Variants in MYRIP observed in about 807,000 individuals in gnomAD.
MYRIP encodes rab effector MyRIP.
In MYRIP, 49 loss-of-function variants were observed where a neutral mutation model predicts 98.0. That is an observed-to-expected ratio of 0.50 (90% CI 0.40 to 0.63). The LOEUF (loss-of-function observed/expected upper bound fraction) is 0.63, where lower values mean the gene tolerates loss of function less well. Ranked by LOEUF, MYRIP falls within the 30% of genes least tolerant of loss-of-function variation. The probability of loss-of-function intolerance (pLI) is 0.00; values close to 1 mark genes in which losing one functional copy is unlikely to be tolerated. For missense variants in MYRIP, 1,004 were observed against 1,058.2 expected (o/e 0.95, Z 0.71); for synonymous variants, 404 against 409.5 (o/e 0.99, Z 0.16).
At position 39,862,145 on chromosome 3, in the gene MYRIP, C is replaced by T. The variant is rs558086518; in HGVS notation, c.-30-38642C>T. On this transcript the variant is annotated intron_variant, in intron 1 of 16. Transcript: ENST00000302541. ...CCCATCAGGCTAACAGTGGACATTT[C>T]AGCAGAAACTCTTAAGCCAGAAGAG... 2.0e-5 allele frequency among the ~76,000 whole-genome samples: 3 copies of T among 152,318 alleles called. No homozygotes were observed. In the South Asian group the frequency reaches 6.2e-4, roughly 32 times the overall value.
intron 1 of MYRIP, among the ~76,000 whole-genome samples, chr3:39,830,881 ATCT>A (rs1441326803): frequency 6.6e-6 from 1 of 152,176 alleles, no homozygotes; most frequent in Non-Finnish European, 1.5e-5. Flanking sequence ...TATGCAAATA[ATCT>A]TCTCCCATTC....
intron 3 of MYRIP, among the ~76,000 whole-genome samples, chr3:40,143,404 T>TG (rs1949949314): frequency 2.6e-5 from 4 of 152,176 alleles, no homozygotes; most frequent in Admixed American, 2.0e-4. Context: ...CCCGGGGTGC[T>TG]GGGGTCCTCA....
At chr3:39,853,201 G>T (rs1220949977) in intron 1 of MYRIP, among the ~76,000 whole-genome samples, 1 of 152,146 alleles carries the variant, frequency 6.6e-6, no homozygotes, top group East Asian at 1.9e-4. Context: ...ATTCCAAATT[G>T]TGCTGCTATA....
In MYRIP at chr3:40,032,820, A is replaced by G. The variant is rs534692473; in HGVS notation, c.111-11230A>G. Among the ~76,000 whole-genome samples the G allele has an allele frequency of 3.9e-4, 59 of 152,316 alleles. 1 individual carries two copies. Among genetic ancestry groups the G allele is most frequent in the Admixed American group, 1.2e-3 (18 of 15,292 alleles). On this transcript the variant is annotated intron_variant, in intron 2 of 16. Coordinates refer to ENST00000302541, the MANE Select transcript of MYRIP (RefSeq NM_015460.4). ...ATGAAAATTGATGCAAAAATCCTCA[A>G]TAAAATACTGGCAAACTGAATCCAG...
rs1359368320 is a variant in MYRIP, at chr3:40,037,552, C to T, written c.111-6498C>T. Among the ~76,000 whole-genome samples, 4 of 152,012 alleles carry T rather than the reference C, an allele frequency of 2.6e-5. No individual in the cohort carries two copies. The East Asian group carries it at 5.8e-4, about 22-fold the overall frequency. ...GGAAATTCCCTGTGAGCCACTAAAT[C>T]TTTCAGGATACATATCCCCCTATAA... On this transcript the variant is annotated intron_variant, in intron 2 of 16. Coordinates refer to ENST00000302541, the MANE Select transcript of MYRIP (RefSeq NM_015460.4).
chr3:39,960,006 C>G (rs1367451434), intron 2 of MYRIP, among the ~76,000 whole-genome samples: 2 of 152,046 alleles, frequency 1.3e-5, no homozygotes, highest in Non-Finnish European at 2.9e-5. Flanking sequence ...AAAGAAGGAA[C>G]TGGCATCAGC....
In MYRIP at chr3:40,007,658, C is replaced by T. The variant is rs973990705; in HGVS notation, c.111-36392C>T. ...CAGTGGGTTCTCCAGAGAAACAAAA[C>T]CACTAGGATGTGTGTATGTGTGTGC... On this transcript the variant is annotated intron_variant, in intron 2 of 16. Coordinates refer to ENST00000302541, the MANE Select transcript of MYRIP (RefSeq NM_015460.4). 5.3e-5 allele frequency among the ~76,000 whole-genome samples: 8 copies of T among 152,280 alleles called. No homozygotes were observed. The East Asian group carries it at 1.5e-3, about 29-fold the overall frequency.
rs1032998293 is a variant in MYRIP, at chr3:40,162,789, A to G, written c.529A>G (p.Thr177Ala). ...NEGSISGSDS[T>A]FYRQSEGHSV... ...AGGAAGCATTTCTGGCAGTGATTCAACATTTTATAGGCAGTCAGAAGGTAA... is the reference window on the plus strand; with the variant it reads ...AGGAAGCATTTCTGGCAGTGATTCAGCATTTTATAGGCAGTCAGAAGGTAA... The change falls in exon 5 of 17, where the codon ACA (threonine) becomes GCA (alanine). Residue 177 changes from threonine to alanine, a missense_variant. Around this residue, in one of 3 missense-constraint regions of MYRIP, gnomAD observed 880 missense variants for 907.7 expected, o/e 0.97. Transcript: ENST00000302541. The G allele has an allele frequency of 1.2e-6, 2 of 1,613,936 alleles. No individual in the cohort carries two copies. Among genetic ancestry groups the G allele is most frequent in the African/African-American group, 2.7e-5 (2 of 74,902 alleles).
chr3:40,120,079 G>A (rs1294123543), intron 3 of MYRIP, among the ~76,000 whole-genome samples: 1 of 152,168 alleles, frequency 6.6e-6, no homozygotes, highest in East Asian at 1.9e-4. Context: ...TGGCAGGCTT[G>A]TCATAGGCAT....
At chr3:40,153,087 C>G (rs1950153089) in intron 4 of MYRIP, among the ~76,000 whole-genome samples, 1 of 151,922 alleles carries the variant, frequency 6.6e-6, no homozygotes, top group African/African-American at 2.4e-5. Flanking sequence ...CCACTGCACT[C>G]CAGCCTGGGT....
intron 2 of MYRIP, among the ~76,000 whole-genome samples, chr3:39,932,334 CTCTA>C (rs1944558967): frequency 6.6e-6 from 1 of 152,032 alleles, no homozygotes; most frequent in South Asian, 2.1e-4. Flanking sequence ...AAACTGCTCA[CTCTA>C]TCAGTCAGTC....
At chr3:39,856,563 T>C (rs1942301577) in intron 1 of MYRIP, among the ~76,000 whole-genome samples, 1 of 152,182 alleles carries the variant, frequency 6.6e-6, no homozygotes, top group Non-Finnish European at 1.5e-5. Flanking sequence ...AAGCCCTGCC[T>C]GACCACGATC....
chr3:39,823,018 CTTT>C (rs35819968), intron 1 of MYRIP, among the ~76,000 whole-genome samples: 5 of 123,284 alleles, frequency 4.1e-5, no homozygotes, highest in Non-Finnish European at 3.3e-5. Context: ...TCTTTTCTTC[CTTT>C]TTTTTTTTTT....
At chr3:40,202,900 C>CATTT (rs1951608625) in intron 10 of MYRIP, among the ~76,000 whole-genome samples, 15 of 115,782 alleles carry the variant, frequency 1.3e-4, no homozygotes, top group Non-Finnish European at 2.5e-4. Context: ...ACCTCACCTC[C>CATTT]ATTTACTTAT....
chr3:39,979,505 G>C (rs150662793), intron 2 of MYRIP, among the ~76,000 whole-genome samples: 193 of 152,150 alleles, frequency 1.3e-3, no homozygotes, highest in African/African-American at 4.0e-3. Context: ...GGGCATGGTG[G>C]TGCATGCCTG....
intron 2 of MYRIP, among the ~76,000 whole-genome samples, chr3:39,917,380 T>G (rs890481065): frequency 4.1e-5 from 6 of 146,490 alleles, no homozygotes; most frequent in African/African-American, 1.5e-4. Context: ...AAAGTGAAAC[T>G]AAACACAAAC....
At chr3:40,074,276 G>A (rs1005643326) in intron 3 of MYRIP, among the ~76,000 whole-genome samples, 4 of 151,820 alleles carry the variant, frequency 2.6e-5, no homozygotes, top group Admixed American at 6.6e-5. Flanking sequence ...GGGTTTCACC[G>A]TGTTAGCCAA....
At chr3:40,115,475 A>G (rs1949251554) in intron 3 of MYRIP, among the ~76,000 whole-genome samples, 1 of 152,124 alleles carries the variant, frequency 6.6e-6, no homozygotes, top group African/African-American at 2.4e-5. Flanking sequence ...ATCAAATCTC[A>G]TGAGAACTCA....
At chr3:40,028,807 A>G (rs934092241) in intron 2 of MYRIP, among the ~76,000 whole-genome samples, 2 of 152,172 alleles carry the variant, frequency 1.3e-5, no homozygotes, top group South Asian at 2.1e-4. Context: ...ATTCTGCCCA[A>G]TGACTTCTTC....
Sources: allele counts gnomAD v4.1 joint callset (sites outside exome capture counted in the v4.1 genomes callset), GRCh38; gene constraint gnomAD v4.1.1; regional missense constraint gnomAD v4.1.1; transcripts MANE v1.5; gene names NCBI Gene and HGNC (gene_info 2026-07-23, HGNC 2026-07-21).